The following PELI2 variants were observed in gnomAD, a reference collection of about 807,000 sequenced individuals.
PELI2 encodes the protein E3 ubiquitin-protein ligase pellino homolog 2.
Under a neutral mutation model 42.3 loss-of-function variants are expected in PELI2, and 23 were observed. That is an observed-to-expected ratio of 0.54 (90% CI 0.39 to 0.77). The LOEUF is 0.77. PELI2 is among the 30% of genes least tolerant of loss of function. The pLI, the probability that PELI2 is intolerant of heterozygous loss-of-function variation, is 0.00. For synonymous variants in PELI2, 245 were observed against 212.2 expected (o/e 1.15, Z -1.34); for missense variants, 463 against 553.2 (o/e 0.84, Z 1.64).
chr14:56,190,828 T>C lies in PELI2; in HGVS notation c.207+12364T>C, dbSNP rs1885928022. On this transcript the variant is annotated intron_variant, in intron 2 of 5. Transcript: ENST00000267460. ...AGGTATTTTAACTTAGTTTAGGATGTAAAGTCAAAAAATATGGAAGTCAAT... is the reference window on the plus strand; with the variant it reads ...AGGTATTTTAACTTAGTTTAGGATGCAAAGTCAAAAAATATGGAAGTCAAT... 2.0e-5 allele frequency among the ~76,000 whole-genome samples: 3 copies of C among 152,238 alleles called. No homozygotes were observed. The South Asian group carries it at 6.2e-4, about 31-fold the overall frequency.
chr14:56,253,321 A>G (rs1031910818), intron 2 of PELI2, among the ~76,000 whole-genome samples: 3 of 152,228 alleles, frequency 2.0e-5, no homozygotes, highest in African/African-American at 4.8e-5. Flanking sequence ...CACCAGTCCT[A>G]TTCAATATAG....
intron 1 of PELI2, among the ~76,000 whole-genome samples, chr14:56,141,793 G>A (rs1029201793): frequency 1.3e-5 from 2 of 152,186 alleles, no homozygotes; most frequent in Admixed American, 6.5e-5. Flanking sequence ...CCCTTGACAC[G>A]TGGGGTTTAT....
chr14:56,261,027 A>G (rs1888696493), intron 2 of PELI2, among the ~76,000 whole-genome samples: 1 of 151,504 alleles, frequency 6.6e-6, no homozygotes, highest in African/African-American at 2.4e-5. Context: ...ATGTGGAGGG[A>G]TTGAGGTATT....
Position 56,118,619 on chromosome 14 carries a change from G to T in PELI2, c.-42G>T, listed in dbSNP as rs1196646740. ...GGACTCGGCGGGGATCGCGGCGGAG[G>T]CGGCGGCGTCGGCGGCGGCGTCGGC... On this transcript the variant is annotated 5_prime_UTR_variant, in exon 1 of 6. Transcript: ENST00000267460. The T allele has an allele frequency of 8.1e-6, 10 of 1,238,068 alleles. No homozygotes were observed. Among genetic ancestry groups the T allele is most frequent in the African/African-American group, 1.7e-5 (1 of 58,858 alleles). The allele number at this position is 1,238,068 out of a possible 1,614,324, so 76.7% of individuals were successfully genotyped here.
chr14:56,296,577 CAT>C, intron 5 of PELI2, 21 bp from the exon 6 acceptor site: 1 of 1,507,878 alleles, frequency 6.6e-7, no homozygotes, highest in Non-Finnish European at 9.0e-7. Context: ...TTTTAAAAGG[CAT>C]GTGTCTCAAA....
intron 2 of PELI2, among the ~76,000 whole-genome samples, chr14:56,230,871 A>G (rs535258623): frequency 3.3e-4 from 51 of 152,362 alleles, no homozygotes; most frequent in African/African-American, 1.2e-3. Context: ...ACGTGCAGAG[A>G]CACACAGAGG....
intron 1 of PELI2, among the ~76,000 whole-genome samples, chr14:56,159,601 CT>C (rs1566612218): frequency 6.6e-6 from 1 of 151,844 alleles, no homozygotes; most frequent in African/African-American, 2.4e-5. Context: ...GATATTTTCT[CT>C]TCTTTTGGGA....
intron 2 of PELI2, among the ~76,000 whole-genome samples, chr14:56,263,474 A>T (rs150420345): frequency 1.5e-4 from 23 of 152,322 alleles, no homozygotes; most frequent in African/African-American, 5.5e-4. Flanking sequence ...AAAACAAATG[A>T]GAAAATGATT....
chr14:56,220,398 A>T (rs567764807), intron 2 of PELI2, among the ~76,000 whole-genome samples: 1 of 152,382 alleles, frequency 6.6e-6, no homozygotes, highest in African/African-American at 2.4e-5. Flanking sequence ...GAAACAACAT[A>T]GTTATAAAAC....
chr14:56,250,732 T>A (rs1888315557), intron 2 of PELI2, among the ~76,000 whole-genome samples: 1 of 152,138 alleles, frequency 6.6e-6, no homozygotes, highest in Non-Finnish European at 1.5e-5. Flanking sequence ...CCATCCAGAT[T>A]GAGAGTGGGT....
chr14:56,195,700 T>G (rs753291845), intron 2 of PELI2, among the ~76,000 whole-genome samples: 4 of 152,224 alleles, frequency 2.6e-5, no homozygotes, highest in Non-Finnish European at 4.4e-5. Flanking sequence ...CGGAGAAACT[T>G]TCCCACCTTG....
In PELI2 at chr14:56,298,519, A is replaced by C. The variant is rs1239663681; in HGVS notation, c.*1353A>C. ...TGAGATAAAATAAGTATTTATTTAA[A>C]CTAATGTTCTCTTAATTTGACCATT... On this transcript the variant is annotated 3_prime_UTR_variant, in exon 6 of 6. Coordinates refer to ENST00000267460, the MANE Select transcript of PELI2 (RefSeq NM_021255.3). 6.5e-6 allele frequency: 1 copy of C among 152,674 alleles called. No individual in the cohort carries two copies. Among genetic ancestry groups the C allele is most frequent in the African/African-American group, 2.4e-5 (1 of 41,470 alleles). The allele number at this position is 152,674 out of a possible 1,614,324, so 9.5% of individuals were successfully genotyped here. A position where few individuals can be genotyped will look rare whatever the true frequency, so the allele number is the denominator to read the frequency against.
chr14:56,284,535 GT>G (rs1889586600), intron 3 of PELI2, among the ~76,000 whole-genome samples: 1 of 152,110 alleles, frequency 6.6e-6, no homozygotes, highest in Non-Finnish European at 1.5e-5. Flanking sequence ...TTGGGTTTTG[GT>G]TTTTTGTTTG....
At chr14:56,247,418 A>G (rs1888202255) in intron 2 of PELI2, among the ~76,000 whole-genome samples, 1 of 152,222 alleles carries the variant, frequency 6.6e-6, no homozygotes, top group East Asian at 1.9e-4. Flanking sequence ...ATAGTGGTGC[A>G]GGGGACTGCT....
intron 2 of PELI2, among the ~76,000 whole-genome samples, chr14:56,247,910 A>G (rs1888217796): frequency 6.6e-6 from 1 of 152,212 alleles, no homozygotes; most frequent in South Asian, 2.1e-4. Context: ...CTATATTTGG[A>G]GAAACTTGAA....
chr14:56,237,195 G>T (rs1887829715), intron 2 of PELI2, among the ~76,000 whole-genome samples: 1 of 152,056 alleles, frequency 6.6e-6, no homozygotes, highest in South Asian at 2.1e-4. Context: ...TACATTTTTA[G>T]TTTTCAGTAT....
chr14:56,178,265 T>C, intron 1 of PELI2, 70 bp from the exon 2 acceptor site: 3 of 1,521,576 alleles, frequency 2.0e-6, no homozygotes, highest in Non-Finnish European at 2.7e-6. Context: ...CCTTATTCAA[T>C]ACCTCTAACT....
intron 2 of PELI2, among the ~76,000 whole-genome samples, chr14:56,231,722 T>A (rs1355432127): frequency 6.6e-6 from 1 of 152,076 alleles, no homozygotes; most frequent in Admixed American, 6.5e-5. Flanking sequence ...AGCAAACACA[T>A]TCAAGAGCTA....
At chr14:56,228,735 C>T (rs1887450617) in intron 2 of PELI2, among the ~76,000 whole-genome samples, 1 of 152,188 alleles carries the variant, frequency 6.6e-6, no homozygotes, top group Non-Finnish European at 1.5e-5. Context: ...GTACCAGGTT[C>T]ATCTCACTGG....
Sources: allele counts gnomAD v4.1 joint callset (sites outside exome capture counted in the v4.1 genomes callset), GRCh38; gene constraint gnomAD v4.1.1; transcripts MANE v1.5; gene names NCBI Gene and HGNC (gene_info 2026-07-23, HGNC 2026-07-21).